The following MAP3K15 variants were observed in gnomAD, a reference collection of about 807,000 sequenced individuals.
MAP3K15 encodes the protein mitogen-activated protein kinase kinase kinase 15.
A neutral mutation model predicts 99.5 loss-of-function variants in MAP3K15; 124 were observed. The observed-to-expected ratio is 1.25, with a 90% CI of 1.08 to 1.45. The LOEUF is 1.45. Among genes scored for constraint, MAP3K15 ranks in the 40% most tolerant of loss-of-function variants. The pLI, the probability that MAP3K15 is intolerant of heterozygous loss-of-function variation, is 0.00. For synonymous variants in MAP3K15, 494 were observed against 439.6 expected, an observed-to-expected ratio of 1.12 and a Z score of -1.55; for missense variants, 1,242 against 1,079.7, an observed-to-expected ratio of 1.15 and a Z score of -2.11.
In MAP3K15 at chrX:19,362,823, CTCTT is replaced by C. The variant is rs760983657; in HGVS notation, c.3590_3593del (p.Lys1197ArgfsTer12). On this transcript the variant is annotated frameshift_variant, in exon 26 of 29. Coordinates refer to ENST00000338883, the MANE Select transcript of MAP3K15 (RefSeq NM_001001671.4). LOFTEE classifies it high-confidence loss of function. The stretch of plus-strand genomic sequence containing the variant: ...GCCGCAGAAGATTCTGGTACTCTCT[CTCTT>C]TTTCAACTAGGTGTTCCAAAAGTCT... 2 of 1,158,555 alleles carry C rather than the reference CTCTT, an allele frequency of 1.7e-6. No homozygotes were observed. Among genetic ancestry groups the C allele is most frequent in the East Asian group, 3.0e-5 (1 of 33,252 alleles).
intron 9 of MAP3K15, among the ~76,000 whole-genome samples, chrX:19,424,498 C>T (rs961105585): frequency 9.1e-6 from 1 of 110,277 alleles, no homozygotes; most frequent in African/African-American, 3.3e-5. Context: ...AAAACAAGAT[C>T]ATATAGAACA....
chrX:19,415,627 A>AT (rs765746349), intron 9 of MAP3K15, among the ~76,000 whole-genome samples: 6 of 111,131 alleles, frequency 5.4e-5, no homozygotes, highest in Admixed American at 1.9e-4. Flanking sequence ...TTATACATGG[A>AT]TTTTTTTTCC....
chrX:19,369,181 C>A lies in MAP3K15; in HGVS notation c.3439G>T (p.Gly1147Trp), dbSNP rs1303012185. The part of the protein sequence containing the change: ...AHFEPTCETE[G>W]VDKDMDEAEE... ...GCTTCATCCATGTCCTTATCTACCC[C>A]TTCAGTCTCACAGGTAGGCTCAAAG... Residue 1147 changes from glycine to tryptophan, a missense_variant, in exon 25 of 29, where the codon GGG (glycine) becomes TGG (tryptophan). Transcript: ENST00000338883. 1 of 1,209,528 alleles carries A rather than the reference C, an allele frequency of 8.3e-7. No homozygotes were observed. The highest frequency in any genetic ancestry group is 1.1e-6 in the Non-Finnish European group (1 of 895,093).
intron 1 of MAP3K15, among the ~76,000 whole-genome samples, chrX:19,502,873 C>T (rs1210897635): frequency 9.0e-6 from 1 of 111,713 alleles, no homozygotes; most frequent in Non-Finnish European, 1.9e-5. Context: ...GTCTCAGTTA[C>T]TATCTTGTAG....
At chrX:19,413,234 G>C (rs2063703369) in intron 11 of MAP3K15, 123 bp downstream of exon 11, 2 of 495,570 alleles carry the variant, frequency 4.0e-6, no homozygotes, top group East Asian at 7.3e-5. Flanking sequence ...CATCTGTGAT[G>C]ATACTCTCTC....
intron 1 of MAP3K15, among the ~76,000 whole-genome samples, chrX:19,509,809 G>T (rs893408628): frequency 9.0e-6 from 1 of 111,266 alleles, no homozygotes; most frequent in African/African-American, 3.3e-5. Flanking sequence ...TTCAGGGGCT[G>T]GTTTTTTGAA....
At chrX:19,366,903 A>T (rs771409138) in intron 25 of MAP3K15, among the ~76,000 whole-genome samples, 1 of 112,091 alleles carries the variant, frequency 8.9e-6, no homozygotes, top group Non-Finnish European at 1.9e-5. Flanking sequence ...CAGTGGAGAG[A>T]AATAACCTTC....
intron 6 of MAP3K15, among the ~76,000 whole-genome samples, chrX:19,438,237 G>T (rs2063936152): frequency 9.0e-6 from 1 of 111,155 alleles, no homozygotes; most frequent in South Asian, 3.8e-4. Flanking sequence ...AGAGTGCTGG[G>T]AATACAGGCA....
rs1386839442 is a variant in MAP3K15 at position 19,448,098 on chromosome X, T to C, written c.995+8815A>G. Among the ~76,000 whole-genome samples the C allele has an allele frequency of 1.9e-5, 2 of 106,759 alleles. 1 individual carries two copies. The highest frequency in any genetic ancestry group is 3.9e-5 in the Non-Finnish European group (2 of 51,032). The allele number at this position is 106,759 out of a possible 115,157, so 92.7% of individuals were successfully genotyped here. The stretch of plus-strand genomic sequence containing the variant: ...GGCTTTTCTCATTTGTTTGAAATCC[T>C]CAGGCAGCGGGCGAGAAGGCAGCTT... On this transcript the variant is annotated intron_variant, in intron 6 of 28. Coordinates refer to ENST00000338883, the MANE Select transcript of MAP3K15 (RefSeq NM_001001671.4).
In MAP3K15 at chrX:19,515,385, G is replaced by T; in HGVS notation, c.-124C>A. The stretch of plus-strand genomic sequence containing the variant: ...GCTCCTGAAGCGCGGGACGCTACGG[G>T]AATCGAGGGAACGGAGCGCACCGGG... On this transcript the variant is annotated 5_prime_UTR_variant, in exon 1 of 29. Coordinates refer to ENST00000338883, the MANE Select transcript of MAP3K15 (RefSeq NM_001001671.4). 2.6e-6 allele frequency: 1 copy of T among 388,616 alleles called. No individual in the cohort carries two copies. Among genetic ancestry groups the T allele is most frequent in the Non-Finnish European group, 3.4e-6 (1 of 293,828 alleles). The allele number at this position is 388,616 out of a possible 1,213,427, so 32.0% of individuals were successfully genotyped here. A position where few individuals can be genotyped will look rare whatever the true frequency, so the allele number is the denominator to read the frequency against.
intron 25 of MAP3K15, among the ~76,000 whole-genome samples, chrX:19,365,534 C>T (rs1045298925): frequency 8.9e-6 from 1 of 112,726 alleles, no homozygotes; most frequent in Non-Finnish European, 1.9e-5. Flanking sequence ...TCTCATTAAT[C>T]AGCCTCATGC....
intron 3 of MAP3K15, among the ~76,000 whole-genome samples, chrX:19,485,543 C>CATA (rs1199240080): frequency 9.1e-6 from 1 of 110,414 alleles, no homozygotes; most frequent in Non-Finnish European, 1.9e-5. Flanking sequence ...GTTTCTGAAA[C>CATA]TTATGTCTCA....
At chrX:19,400,543 T>C (rs745931132) in intron 14 of MAP3K15, 33 bp downstream of exon 14, 2 of 1,023,835 alleles carry the variant, frequency 2.0e-6, no homozygotes, top group Non-Finnish European at 2.7e-6. Flanking sequence ...ACACAATCAA[T>C]GTTTTCCATA....
chrX:19,433,671 CCCTG>C (rs1209074426), intron 6 of MAP3K15, among the ~76,000 whole-genome samples: 1 of 111,301 alleles, frequency 9.0e-6, no homozygotes, highest in Non-Finnish European at 1.9e-5. Flanking sequence ...CTCTGGAGAA[CCCTG>C]CCTAAGATAA....
At position 19,411,353 on chromosome X, in the gene MAP3K15, G is replaced by A. The variant is rs2063686028; in HGVS notation, c.1699-1380C>T. ...TTGCCATCCTGGAGCAATGACAACA[G>A]GAACAGACTGGGAAGATGGTTTCCG... On this transcript the variant is annotated intron_variant, in intron 11 of 28. Transcript: ENST00000338883. Among the ~76,000 whole-genome samples the A allele has an allele frequency of 2.7e-5, 3 of 112,030 alleles. No individual in the cohort carries two copies. The South Asian group carries it at 1.1e-3, about 42-fold the overall frequency.
At chrX:19,379,841 A>C (rs1213943846) in intron 19 of MAP3K15, among the ~76,000 whole-genome samples, 1 of 111,402 alleles carries the variant, frequency 9.0e-6, no homozygotes, top group East Asian at 2.8e-4. Context: ...GGCACCACCA[A>C]GTTGTCTTAC....
chrX:19,458,013 G>A (rs2064106366), intron 5 of MAP3K15, among the ~76,000 whole-genome samples: 1 of 112,305 alleles, frequency 8.9e-6, no homozygotes, highest in Non-Finnish European at 1.9e-5. Flanking sequence ...GACCATGCTT[G>A]TCTCAGCCAA....
intron 15 of MAP3K15, among the ~76,000 whole-genome samples, chrX:19,396,996 T>C (rs1164259296): frequency 9.5e-6 from 1 of 104,801 alleles, no homozygotes; most frequent in Admixed American, 1.1e-4. Flanking sequence ...GCCTCCGGGG[T>C]TCAAGCGATT....
At chrX:19,421,349 A>G (rs1181865819) in intron 9 of MAP3K15, among the ~76,000 whole-genome samples, 2 of 111,593 alleles carry the variant, frequency 1.8e-5, no homozygotes, top group African/African-American at 6.6e-5. Context: ...TACAAAATCA[A>G]TGTGCAAAAA....
Sources: gnomAD v4.1 joint callset for allele counts (sites outside exome capture counted in the v4.1 genomes callset) on GRCh38, gnomAD v4.1.1 for gene constraint, MANE v1.5 for transcripts, NCBI Gene and HGNC (gene_info 2026-07-23, HGNC 2026-07-21) for gene names.